HSPG2: variants seen among roughly 807,000 people sequenced by gnomAD.
The protein encoded by HSPG2 is basement membrane-specific heparan sulfate proteoglycan core protein.
Under a neutral mutation model 526.6 loss-of-function variants are expected in HSPG2, and 278 were observed. The observed-to-expected ratio is 0.53, with a 90% CI of 0.48 to 0.58. The LOEUF is 0.58. HSPG2 is among the 20% of genes least tolerant of loss of function. The pLI, the probability that HSPG2 is intolerant of heterozygous loss-of-function variation, is 0.00. For missense variants in HSPG2, 5,354 were observed against 6,099.5 expected, an observed-to-expected ratio of 0.88 and a Z score of 4.07; for synonymous variants, 2,465 against 2,555.4, an observed-to-expected ratio of 0.96 and a Z score of 1.07.
In HSPG2 at chr1:21,885,375, G is replaced by A; in HGVS notation, c.1155C>T (p.Ser385=). 6.2e-7 allele frequency: 1 copy of A among 1,614,148 alleles called. No homozygotes were observed. Among genetic ancestry groups the A allele is most frequent in the South Asian group, 1.1e-5 (1 of 91,088 alleles). The change falls in exon 10 of 97, where the codon AGC becomes AGT. Residue 385 remains serine, a synonymous_variant. Coordinates refer to ENST00000374695, the MANE Select transcript of HSPG2 (RefSeq NM_005529.7). ...CVSTNMCIPA[S]FHCDEESDCP... Reference sequence around the variant, plus strand: ...AGTCGCTCTCCTCGTCACAGTGGAAGCTGGCTGGGATGCACATGTTGGTAG... The same window carrying A: ...AGTCGCTCTCCTCGTCACAGTGGAAACTGGCTGGGATGCACATGTTGGTAG...
At position 21,831,639 on chromosome 1, in the gene HSPG2, G is replaced by A; in HGVS notation, c.11352+13C>T. 6.2e-7 allele frequency: 1 copy of A among 1,610,388 alleles called. No homozygotes were observed. Among genetic ancestry groups the A allele is most frequent in the Non-Finnish European group, 8.5e-7 (1 of 1,178,362 alleles). ...ATGAGGGCTGGAAGTAGCAGTATGG[G>A]GTTGGGTCTCACCTGGGAGGTCCCA... is the stretch of plus-strand genomic sequence containing the variant. On this transcript the variant is annotated intron_variant, in intron 82 of 96. Coordinates refer to ENST00000374695, the MANE Select transcript of HSPG2 (RefSeq NM_005529.7).
At position 21,865,756 on chromosome 1, in the gene HSPG2, T is replaced by C. The variant is rs540961117; in HGVS notation, c.4275A>G (p.Pro1425=). 21 of 1,613,924 alleles carry C rather than the reference T, an allele frequency of 1.3e-5. No homozygotes were observed. Among genetic ancestry groups the C allele is most frequent in the South Asian group, 4.4e-5 (4 of 91,076 alleles). ...CGGGGTCAGAGAGTGGGCTGCCCTGTGGGCCTGCTGTGTAGGAGAGGGTGT... is the reference window on the plus strand; with the variant it reads ...CGGGGTCAGAGAGTGGGCTGCCCTGCGGGCCTGCTGTGTAGGAGAGGGTGT... ...LRYTLSYTAG[P]QGSPLSDPDV... The change falls in exon 34 of 97, where the codon CCA becomes CCG. Residue 1425 remains proline, a synonymous_variant. Coordinates refer to ENST00000374695, the MANE Select transcript of HSPG2 (RefSeq NM_005529.7). The surrounding 1 kb of genome is among the most constrained non-coding windows in gnomAD (Gnocchi z 5.4).
Position 21,872,688 on chromosome 1 carries a change from C to T in HSPG2, c.3961G>A (p.Gly1321Ser), listed in dbSNP as rs1372970915. 3.1e-6 allele frequency: 5 copies of T among 1,607,226 alleles called. No homozygotes were observed. Among genetic ancestry groups the T allele is most frequent in the East Asian group, 2.2e-5 (1 of 44,582 alleles). Residue 1321 changes from glycine (G) to serine (S), a missense_variant, in exon 32 of 97, where the codon GGC becomes AGC. Gly to Ser is a moderately conservative substitution (Grantham distance 56). Coordinates refer to ENST00000374695, the MANE Select transcript of HSPG2 (RefSeq NM_005529.7). The surrounding 1 kb of genome is among the most constrained non-coding windows in gnomAD (Gnocchi z 5.5). ...HFHLSASNPD[G>S]CLPCFCMGIT... ...CCCATACAGAAGCAGGGCAGGCAGC[C>T]GTCTGGGTTGCTGGCACTCAGGTGG... is the stretch of plus-strand genomic sequence containing the variant.
intron 77 of HSPG2, among the ~76,000 whole-genome samples, 185 bp from the exon 78 acceptor site, chr1:21,834,110 A>G (rs961088426): frequency 6.6e-6 from 1 of 152,200 alleles, no homozygotes; most frequent in Non-Finnish European, 1.5e-5. Flanking sequence ...GGGCAGAGTC[A>G]GGGTTCAGGG....
intron 21 of HSPG2, among the ~76,000 whole-genome samples, chr1:21,877,105 T>C (rs530652278): frequency 2.0e-5 from 3 of 151,422 alleles, no homozygotes; most frequent in East Asian, 1.9e-4. Flanking sequence ...AGAGCACATG[T>C]ATGAGGCGTC....
At chr1:21,920,847 G>A (rs926189651) in intron 1 of HSPG2, among the ~76,000 whole-genome samples, 3 of 152,116 alleles carry the variant, frequency 2.0e-5, no homozygotes, top group African/African-American at 4.8e-5. Context: ...TGGGCCTAGC[G>A]TGGCTGAGAT....
Position 21,833,884 on chromosome 1 carries a change from C to T in HSPG2, c.10762G>A (p.Ala3588Thr). The change falls in exon 78 of 97, where the codon GCT (alanine) becomes ACT (threonine). Residue 3588 changes from alanine (A) to threonine (T), a missense_variant. Transcript: ENST00000374695. ...CAGGGGAAGACAGCTGCAGAACCAG[C>T]AGGCACACGGACTTCTTGGGGCATT... ...ISMPQEVRVP[A>T]GSAAVFPCIA... The T allele has an allele frequency of 6.2e-7, 1 of 1,601,300 alleles. No individual in the cohort carries two copies. Among genetic ancestry groups the T allele is most frequent in the Non-Finnish European group, 8.5e-7 (1 of 1,173,784 alleles).
chr1:21,841,770 C>A, intron 69 of HSPG2, 97 bp from the exon 70 acceptor site: 1 of 1,503,636 alleles, frequency 6.7e-7, no homozygotes, highest in East Asian at 2.3e-5. Flanking sequence ...CTTCCCCAAT[C>A]CCTCCGGCCT....
intron 1 of HSPG2, chr1:21,908,465 G>A: frequency 1.2e-6 from 1 of 845,314 alleles, no homozygotes; most frequent in Non-Finnish European, 2.1e-6. Flanking sequence ...AAAGAGAAAG[G>A]TACCTGGGTT....
In HSPG2 at chr1:21,893,556, C is replaced by A. The variant is rs887980245; in HGVS notation, c.244+2366G>T. Among the ~76,000 whole-genome samples the A allele has an allele frequency of 6.6e-6, 1 of 151,292 alleles. No homozygotes were observed. The highest frequency in any genetic ancestry group is 1.5e-5 in the Non-Finnish European group (1 of 67,780). ...GGGGAGGGAGGCAGAGGGAGAGCAG[C>A]GCTCCCACCTGGCCAGGGCCTGGGT... is the stretch of plus-strand genomic sequence containing the variant. On this transcript the variant is annotated intron_variant, in intron 3 of 96. Transcript: ENST00000374695. The surrounding 1 kb of genome is among the most constrained non-coding windows in gnomAD (Gnocchi z 4.3).
chr1:21,902,760 C>T (rs900652027), intron 1 of HSPG2, among the ~76,000 whole-genome samples: 13 of 152,224 alleles, frequency 8.5e-5, no homozygotes, highest in South Asian at 6.2e-4. Flanking sequence ...GGGCCTTCAG[C>T]GGAGGCCCAG....
At chr1:21,838,644 C>A (rs1419568129) in intron 74 of HSPG2, among the ~76,000 whole-genome samples, 181 bp downstream of exon 74, 4 of 152,186 alleles carry the variant, frequency 2.6e-5, no homozygotes, top group African/African-American at 9.7e-5. Context: ...GAGCTGAGCA[C>A]ACATGATGGA....
chr1:21,928,935 T>C lies in HSPG2; in HGVS notation c.63+8220A>G, dbSNP rs199953529. Among the ~76,000 whole-genome samples the C allele has an allele frequency of 2.4e-4, 36 of 151,734 alleles. No individual in the cohort carries two copies. The East Asian group carries it at 6.0e-3, about 25-fold the overall frequency. The stretch of plus-strand genomic sequence containing the variant: ...TTAGCTGATTTTTTTATTATTATTA[T>C]TTTCAGTAGAGACGAGGTTTCTCCA... On this transcript the variant is annotated intron_variant, in intron 1 of 96. Coordinates refer to ENST00000374695, the MANE Select transcript of HSPG2 (RefSeq NM_005529.7).
At chr1:21,873,207 C>T (rs2152745463) in intron 30 of HSPG2, 116 bp from the exon 31 acceptor site, 2 of 1,136,606 alleles carry the variant, frequency 1.8e-6, no homozygotes, top group East Asian at 2.4e-5. Flanking sequence ...GTACTCAACA[C>T]TCTCACGACA....
chr1:21,830,540 T>A, intron 85 of HSPG2: 1 of 266,832 alleles, frequency 3.7e-6, no homozygotes, highest in Non-Finnish European at 7.3e-6. Context: ...ATGCAAAAAA[T>A]TTAGCCAGGG....
At chr1:21,833,694 A>C in intron 78 of HSPG2, 80 bp from the exon 79 acceptor site, 2 of 1,594,126 alleles carry the variant, frequency 1.3e-6, no homozygotes, top group Non-Finnish European at 1.7e-6. Context: ...CCTCAGGCCC[A>C]CCTTCCAACA....
chr1:21,872,180 G>T lies in HSPG2; in HGVS notation c.4221+6C>A. The T allele has an allele frequency of 6.4e-7, 1 of 1,551,610 alleles. No homozygotes were observed. Reference sequence around the variant, plus strand: ...CGGCTGACCCTGGTGCTTGGCTGGGGCCCACCTTGTCTCCCTGGTATGTCT... The same window carrying T: ...CGGCTGACCCTGGTGCTTGGCTGGGTCCCACCTTGTCTCCCTGGTATGTCT... On this transcript the variant is annotated splice_donor_region_variant and intron_variant, in intron 33 of 96. Transcript: ENST00000374695. This position sits in a 1 kb window ranked among gnomAD's most constrained non-coding sequence, Gnocchi z 5.5.
At chr1:21,846,703 T>A in intron 62 of HSPG2, 104 bp from the exon 63 acceptor site, 2 of 1,330,324 alleles carry the variant, frequency 1.5e-6, no homozygotes, top group Non-Finnish European at 2.2e-6. Flanking sequence ...AGAGTAACAC[T>A]AATAGTTAAC....
At chr1:21,860,113 C>T (rs1475386432) in intron 40 of HSPG2, 64 bp downstream of exon 40, 5 of 1,605,714 alleles carry the variant, frequency 3.1e-6, no homozygotes, top group Non-Finnish European at 4.3e-6. Context: ...ACCCAGTATC[C>T]CCCAAATTCC....
Sources: allele counts gnomAD v4.1 joint callset (sites outside exome capture counted in the v4.1 genomes callset), GRCh38; gene constraint gnomAD v4.1.1; non-coding constraint Gnocchi (gnomAD v3.1); transcripts MANE v1.5; gene names NCBI Gene and HGNC (gene_info 2026-07-23, HGNC 2026-07-21).